The following ZNF469 variants were observed in gnomAD, a reference collection of about 807,000 sequenced individuals.
ZNF469 encodes zinc finger protein 469.
A neutral mutation model predicts 1.0 loss-of-function variants in ZNF469; 1 was observed. The ratio of observed to expected loss-of-function variants is 1.00; its 90% CI spans 0.35 to 4.73. The LOEUF (loss-of-function observed/expected upper bound fraction) is 4.73, where lower values mean the gene tolerates loss of function less well. Ranked by LOEUF, ZNF469 falls within the 30% of genes most tolerant of loss-of-function variation. ZNF469 has a pLI of 0.16. For synonymous variants in ZNF469, 2,703 were observed against 2,363.4 expected (o/e 1.14, Z -4.17); for missense variants, 6,100 against 5,356.3 (o/e 1.14, Z -4.33).
chr16:88,223,432 C>G, the ZNF469 span, among the ~76,000 whole-genome samples: 1 of 152,180 alleles, frequency 6.6e-6, no homozygotes, highest in Non-Finnish European at 1.5e-5. Context: ...TTGGGTATGT[C>G]TTAATCAGCG....
chr16:88,134,322 C>G, the ZNF469 span, among the ~76,000 whole-genome samples: 3 of 152,166 alleles, frequency 2.0e-5, no homozygotes, highest in African/African-American at 7.2e-5. Context: ...TGTACTCACT[C>G]TTTGGGCAAA....
At chr16:88,199,576 G>C in the ZNF469 span, among the ~76,000 whole-genome samples, 1 of 152,232 alleles carries the variant, frequency 6.6e-6, no homozygotes, top group Non-Finnish European at 1.5e-5. Context: ...ATTCTTTGGT[G>C]AACATCCCAT....
chr16:88,197,648 G>A, the ZNF469 span, among the ~76,000 whole-genome samples: 1 of 152,232 alleles, frequency 6.6e-6, no homozygotes, highest in South Asian at 2.1e-4. Context: ...GGGGCCCAGA[G>A]TCTGACAGCC....
chr16:88,351,969 G>A, the ZNF469 span, among the ~76,000 whole-genome samples: 30 of 152,350 alleles, frequency 2.0e-4, no homozygotes, highest in South Asian at 5.8e-3. Flanking sequence ...CCTCCGCCCC[G>A]AGGAGAAATA....
At chr16:88,265,487 C>T in the ZNF469 span, among the ~76,000 whole-genome samples, 1 of 152,226 alleles carries the variant, frequency 6.6e-6, no homozygotes, top group Admixed American at 6.5e-5. Context: ...TCCAGGAGGG[C>T]TGGGTGCTCC....
the ZNF469 span, among the ~76,000 whole-genome samples, chr16:88,325,735 G>C: frequency 6.6e-6 from 1 of 152,362 alleles, no homozygotes; most frequent in East Asian, 1.9e-4. Context: ...GGCCAGGACA[G>C]ACAGGGCCTT....
At chr16:88,277,812 C>T in the ZNF469 span, among the ~76,000 whole-genome samples, 37 of 27,400 alleles carry the variant, frequency 1.4e-3, no homozygotes, top group Non-Finnish European at 1.4e-3. Flanking sequence ...TGCGTCACAC[C>T]GACGCTCGGT....
At chr16:88,406,814 G>C (rs532950076) in intron 1 of ZNF469, among the ~76,000 whole-genome samples, 1 of 152,254 alleles carries the variant, frequency 6.6e-6, no homozygotes, top group South Asian at 2.1e-4. Context: ...TTAGTGTTTT[G>C]CTTTCTTGGT....
At chr16:88,404,038 C>T (rs1904959765) in intron 1 of ZNF469, among the ~76,000 whole-genome samples, 1 of 152,238 alleles carries the variant, frequency 6.6e-6, no homozygotes, top group Non-Finnish European at 1.5e-5. Flanking sequence ...GCCCAAAGCC[C>T]CCCGACTGGT....
rs112081608 is a variant in ZNF469, at chr16:88,420,545, G to A, written c.-191-4262G>A. ...CCGAGTGTGCAGGGCTCCCAGGCCTGGTCCCCAGGGGATGGCCACCAGGAT... is the reference window on the plus strand; with the variant it reads ...CCGAGTGTGCAGGGCTCCCAGGCCTAGTCCCCAGGGGATGGCCACCAGGAT... On this transcript the variant is annotated intron_variant, in intron 1 of 2. Transcript: ENST00000565624. Among the ~76,000 whole-genome samples, 787 of 152,324 alleles carry A rather than the reference G, an allele frequency of 5.2e-3. 9 individuals are homozygous for A. Among genetic ancestry groups the A allele is most frequent in the African/African-American group, 0.018 (739 of 41,574 alleles).
the ZNF469 span, among the ~76,000 whole-genome samples, chr16:88,368,335 C>T: frequency 1.3e-5 from 2 of 152,246 alleles, no homozygotes; most frequent in African/African-American, 4.8e-5. Flanking sequence ...GACGCCATCC[C>T]TGAGCCGGCA....
In ZNF469 at chr16:88,420,620, C is replaced by T. The variant is rs147234138; in HGVS notation, c.-191-4187C>T. ...AATTGCAGGATCATGGAGACACGCC[C>T]GAGGAGTTCACACCACACGCAATCC... On this transcript the variant is annotated intron_variant, in intron 1 of 2. Transcript: ENST00000565624. Among the ~76,000 whole-genome samples, 498 of 152,278 alleles carry T rather than the reference C, an allele frequency of 3.3e-3. 5 individuals carry two copies. The highest frequency in any genetic ancestry group is 0.011 in the African/African-American group (474 of 41,558).
the ZNF469 span, among the ~76,000 whole-genome samples, chr16:88,226,819 G>A: frequency 3.7e-4 from 56 of 150,170 alleles, no homozygotes; most frequent in African/African-American, 1.2e-3. Context: ...TGCACCCTGC[G>A]TACTTCACCT....
At chr16:88,321,280 T>C in the ZNF469 span, among the ~76,000 whole-genome samples, 8 of 152,264 alleles carry the variant, frequency 5.3e-5, no homozygotes, top group Non-Finnish European at 1.2e-4. Context: ...CAGGAGCTGA[T>C]GCTGCAGCCT....
chr16:88,247,971 C>T, the ZNF469 span, among the ~76,000 whole-genome samples: 10 of 152,164 alleles, frequency 6.6e-5, no homozygotes, highest in Non-Finnish European at 1.0e-4. Context: ...GTGGTCGTCC[C>T]AAGCTGTGAC....
intron 1 of ZNF469, among the ~76,000 whole-genome samples, chr16:88,414,129 C>T (rs1360709914): frequency 1.3e-5 from 2 of 152,210 alleles, no homozygotes; most frequent in East Asian, 3.9e-4. Context: ...AGTGGGTCCA[C>T]ACCCTGTCAC....
intron 1 of ZNF469, among the ~76,000 whole-genome samples, chr16:88,389,255 T>C (rs11076652): frequency 0.3 from 45,518 of 152,240 alleles, 7,310 homozygotes; most frequent in Non-Finnish European, 0.35. Context: ...ACGTGGTTCC[T>C]ACATCCCGCT....
At chr16:88,371,718 T>C in the ZNF469 span, among the ~76,000 whole-genome samples, 991 of 152,240 alleles carry the variant, frequency 6.5e-3, 11 homozygotes, top group African/African-American at 0.021. Context: ...GCCACCAACA[T>C]CACAGCTTGG....
chr16:88,160,942 A>T, the ZNF469 span, among the ~76,000 whole-genome samples: 1 of 152,238 alleles, frequency 6.6e-6, no homozygotes, highest in Admixed American at 6.5e-5. Context: ...CAGGAGTTCA[A>T]GACCAGCCTG....
Sources: allele counts gnomAD v4.1 joint callset (sites outside exome capture counted in the v4.1 genomes callset), GRCh38; gene constraint gnomAD v4.1.1; transcripts MANE v1.5; gene names NCBI Gene and HGNC (gene_info 2026-07-23, HGNC 2026-07-21).